The following SGCZ variants were observed in gnomAD, a reference collection of about 807,000 sequenced individuals.
The protein encoded by SGCZ is sarcoglycan zeta, also known as zeta-sarcoglycan.
A neutral mutation model predicts 41.3 loss-of-function variants in SGCZ; 40 were observed. The observed-to-expected ratio is 0.97, with a 90% CI of 0.75 to 1.26. SGCZ has a LOEUF of 1.26. Ranked by LOEUF, SGCZ falls within the 50% of genes most tolerant of loss-of-function variation. The pLI is 0.00. For synonymous variants in SGCZ, 206 were observed against 137.5 expected (o/e 1.50, Z -3.49); for missense variants, 552 against 369.8 (o/e 1.49, Z -4.04).
At chr8:14,816,164 A>G (rs1364197658) in intron 1 of SGCZ, among the ~76,000 whole-genome samples, 1 of 152,176 alleles carries the variant, frequency 6.6e-6, no homozygotes, top group Non-Finnish European at 1.5e-5. Flanking sequence ...ATGCAGTGGG[A>G]ATTAGACACT....
chr8:14,418,065 T>C (rs1799544303), intron 2 of SGCZ, among the ~76,000 whole-genome samples: 1 of 151,830 alleles, frequency 6.6e-6, no homozygotes, highest in South Asian at 2.1e-4. Context: ...TGCTAGGCAG[T>C]TTGCTGGGTG....
intron 2 of SGCZ, among the ~76,000 whole-genome samples, chr8:14,343,159 T>A (rs572019720): frequency 1.3e-5 from 2 of 152,324 alleles, no homozygotes; most frequent in South Asian, 4.1e-4. Context: ...ATGGAAACAC[T>A]TGGATGCCCA....
chr8:14,447,435 T>C (rs905912446), intron 2 of SGCZ, among the ~76,000 whole-genome samples: 4 of 152,174 alleles, frequency 2.6e-5, no homozygotes, highest in Non-Finnish European at 4.4e-5. Flanking sequence ...TAGTGATTTA[T>C]TAAAATACCA....
intron 2 of SGCZ, among the ~76,000 whole-genome samples, chr8:14,476,926 C>A (rs903217524): frequency 1.3e-5 from 2 of 152,178 alleles, no homozygotes; most frequent in African/African-American, 4.8e-5. Flanking sequence ...ACATTCCCCT[C>A]GTTGTGCTTT....
At chr8:14,211,366 G>C (rs1288113366) in intron 4 of SGCZ, among the ~76,000 whole-genome samples, 1 of 152,108 alleles carries the variant, frequency 6.6e-6, no homozygotes, top group African/African-American at 2.4e-5. Flanking sequence ...GGCGCTACCA[G>C]TTTCCCCTGA....
intron 1 of SGCZ, among the ~76,000 whole-genome samples, chr8:15,058,108 G>A (rs1585519831): frequency 6.6e-6 from 1 of 152,064 alleles, no homozygotes; most frequent in African/African-American, 2.4e-5. Context: ...TCAAGTAGAT[G>A]GAGCTATCAC....
intron 1 of SGCZ, among the ~76,000 whole-genome samples, chr8:15,131,406 G>A (rs1300871093): frequency 6.6e-6 from 1 of 152,146 alleles, no homozygotes; most frequent in East Asian, 1.9e-4. Flanking sequence ...GTGAAGCCCT[G>A]CCAGCCACGT....
Position 14,330,030 on chromosome 8 carries a change from T to C in SGCZ, c.235-5826A>G, listed in dbSNP as rs374051262. On this transcript the variant is annotated intron_variant, in intron 2 of 7. Coordinates refer to ENST00000382080, the MANE Select transcript of SGCZ (RefSeq NM_139167.4). Reference sequence around the variant, plus strand: ...TTTCCTTTTAATGCTCTTACCGTATTCCAAAGAATTACCTGTCCAAAGAAG... The same window carrying C: ...TTTCCTTTTAATGCTCTTACCGTATCCCAAAGAATTACCTGTCCAAAGAAG... 2.4e-4 allele frequency among the ~76,000 whole-genome samples: 37 copies of C among 152,252 alleles called. No homozygotes were observed. In the East Asian group the frequency reaches 4.6e-3, roughly 19 times the overall value.
At chr8:14,496,355 A>T (rs75852792) in intron 2 of SGCZ, among the ~76,000 whole-genome samples, 7,205 of 152,216 alleles carry the variant, frequency 0.047, 477 homozygotes, top group African/African-American at 0.14. Flanking sequence ...AGGCATGAGT[A>T]AACATGCCTG....
intron 1 of SGCZ, among the ~76,000 whole-genome samples, chr8:14,981,430 T>C (rs1169409110): frequency 6.6e-6 from 1 of 152,222 alleles, no homozygotes; most frequent in African/African-American, 2.4e-5. Context: ...TTTTCATGCC[T>C]ACTGAAACGA....
At chr8:14,645,480 A>ATATATATATATATATT (rs1385810092) in intron 1 of SGCZ, among the ~76,000 whole-genome samples, 3 of 105,538 alleles carry the variant, frequency 2.8e-5, no homozygotes, top group Admixed American at 1.0e-4. Flanking sequence ...ATATATATTT[A>ATATATATATATATATT]TATGTATATA....
chr8:14,961,237 A>T (rs1800956726), intron 1 of SGCZ, among the ~76,000 whole-genome samples: 1 of 152,050 alleles, frequency 6.6e-6, no homozygotes, highest in Admixed American at 6.6e-5. Flanking sequence ...TTAGTTGGTA[A>T]ATCTCTCCGA....
At chr8:14,216,349 A>G (rs1805993046) in intron 4 of SGCZ, among the ~76,000 whole-genome samples, 1 of 152,086 alleles carries the variant, frequency 6.6e-6, no homozygotes, top group African/African-American at 2.4e-5. Flanking sequence ...ACAAGATGGT[A>G]TTATATCGTC....
chr8:14,237,508 C>A (rs558984435), intron 4 of SGCZ, 84 bp downstream of exon 4: 2 of 1,155,468 alleles, frequency 1.7e-6, no homozygotes, highest in East Asian at 2.5e-5. Flanking sequence ...ACAACAACAA[C>A]GACAACAACA....
chr8:14,556,260 G>C (rs1396174285), intron 1 of SGCZ, among the ~76,000 whole-genome samples: 1 of 151,506 alleles, frequency 6.6e-6, no homozygotes, highest in Non-Finnish European at 1.5e-5. Context: ...TTTTTTCTCA[G>C]ATTGCTTTTA....
chr8:14,678,848 T>A lies in SGCZ; in HGVS notation c.40-123922A>T, dbSNP rs531168894. ...CCAGATGATGGAATATTATTTAGCA[T>A]TAAAGATAAATAAAATATCAAGCTA... On this transcript the variant is annotated intron_variant, in intron 1 of 7. Coordinates refer to ENST00000382080, the MANE Select transcript of SGCZ (RefSeq NM_139167.4). Among the ~76,000 whole-genome samples the A allele has an allele frequency of 2.0e-5, 3 of 152,284 alleles. No individual in the cohort carries two copies. In the East Asian group the frequency reaches 5.8e-4, roughly 29 times the overall value.
At chr8:14,464,447 G>A (rs1463571499) in intron 2 of SGCZ, among the ~76,000 whole-genome samples, 1 of 146,600 alleles carries the variant, frequency 6.8e-6, no homozygotes, top group Non-Finnish European at 1.5e-5. Flanking sequence ...GGGTAGTACT[G>A]TCTCCACCCT....
intron 2 of SGCZ, among the ~76,000 whole-genome samples, chr8:14,349,390 T>G (rs1375632744): frequency 6.6e-6 from 1 of 152,132 alleles, no homozygotes; most frequent in Non-Finnish European, 1.5e-5. Context: ...AGTATATATT[T>G]GTGGATTGGT....
intron 1 of SGCZ, among the ~76,000 whole-genome samples, chr8:15,031,698 A>T (rs761181395): frequency 8.5e-5 from 13 of 152,162 alleles, no homozygotes; most frequent in Non-Finnish European, 1.6e-4. Flanking sequence ...TATCCATGCT[A>T]AATTATTCAT....
Sources: allele counts gnomAD v4.1 joint callset (sites outside exome capture counted in the v4.1 genomes callset), GRCh38; gene constraint gnomAD v4.1.1; transcripts MANE v1.5; gene names NCBI Gene and HGNC (gene_info 2026-07-23, HGNC 2026-07-21).